PREX2: variants seen among roughly 807,000 people sequenced by gnomAD.
PREX2 encodes phosphatidylinositol-3,4,5-trisphosphate dependent Rac exchange factor 2.
PREX2 carries 107 observed loss-of-function variants against 203.2 expected under a neutral mutation model. That is an observed-to-expected ratio of 0.53 (90% CI 0.45 to 0.62). The LOEUF is 0.62. PREX2 is among the 20% of genes least tolerant of loss of function. The probability of loss-of-function intolerance (pLI) is 0.00; values close to 1 mark genes in which losing one functional copy is unlikely to be tolerated. For missense variants in PREX2, 1,777 were observed against 1,955.9 expected (o/e 0.91, Z 1.72); for synonymous variants, 672 against 663.6 (o/e 1.01, Z -0.19).
At chr8:68,091,988 C>T (rs1365246450) in intron 20 of PREX2, among the ~76,000 whole-genome samples, 5 of 152,122 alleles carry the variant, frequency 3.3e-5, no homozygotes, top group East Asian at 1.9e-4. Context: ...TTCTATGGGG[C>T]GGCCGTGGGG....
At chr8:68,110,902 A>G (rs769840710) in intron 25 of PREX2, 6 of 425,974 alleles carry the variant, frequency 1.4e-5, no homozygotes, top group South Asian at 7.0e-5. Context: ...CTAGTTTTGT[A>G]TATTATACTG....
Position 67,952,362 on chromosome 8 carries a change from C to T in PREX2, c.-33C>T. 4.0e-6 allele frequency: 6 copies of T among 1,488,964 alleles called. No individual in the cohort carries two copies. The highest frequency in any genetic ancestry group is 4.5e-6 in the Non-Finnish European group (5 of 1,122,260). The allele number at this position is 1,488,964 out of a possible 1,614,324, so 92.2% of individuals were successfully genotyped here. A position where few individuals can be genotyped will look rare whatever the true frequency, so the allele number is the denominator to read the frequency against. ...GCGCGCGGGTCAGCGCTCAGCACGG[C>T]GGGCAGCGCCGCGCTGCGCACCGCC... On this transcript the variant is annotated 5_prime_UTR_variant, in exon 1 of 40. Transcript: ENST00000288368.
intron 30 of PREX2, among the ~76,000 whole-genome samples, chr8:68,127,082 G>A (rs1365335045): frequency 6.6e-6 from 1 of 152,102 alleles, no homozygotes; most frequent in Non-Finnish European, 1.5e-5. Context: ...TTTGAATGGT[G>A]TTTCATTGAC....
intron 1 of PREX2, among the ~76,000 whole-genome samples, chr8:67,953,488 A>T (rs544129472): frequency 6.6e-6 from 1 of 152,228 alleles, no homozygotes; most frequent in Admixed American, 6.5e-5. Flanking sequence ...GGAGAGCATC[A>T]TTCAAAGAAC....
chr8:68,029,368 T>C (rs533029359), intron 5 of PREX2, among the ~76,000 whole-genome samples: 4 of 152,252 alleles, frequency 2.6e-5, no homozygotes, highest in African/African-American at 9.6e-5. Context: ...GTGGTGCCTC[T>C]ACTCTTTAGA....
rs1333538631 is a variant in PREX2 at position 68,232,648 on chromosome 8, T to C, written c.*1270T>C. On this transcript the variant is annotated 3_prime_UTR_variant, in exon 40 of 40. Transcript: ENST00000288368. ...TTTTTTTATTTTTTGAAACTGAGTCTCACTCTGTTACCCAGACTGGAGTGC... is the reference window on the plus strand; with the variant it reads ...TTTTTTTATTTTTTGAAACTGAGTCCCACTCTGTTACCCAGACTGGAGTGC... 1 of 152,200 alleles carries C rather than the reference T, an allele frequency of 6.6e-6. No individual in the cohort carries two copies. Among genetic ancestry groups the C allele is most frequent in the East Asian group, 1.9e-4 (1 of 5,186 alleles). 9.4% of individuals were successfully genotyped at this position (152,200 alleles called of 1,614,324 possible).
At chr8:68,108,995 A>G (rs1439520852) in intron 24 of PREX2, 7 of 447,054 alleles carry the variant, frequency 1.6e-5, no homozygotes, top group Middle Eastern at 3.3e-4. Context: ...AATATAAAAA[A>G]GTTGATCTCA....
intron 1 of PREX2, among the ~76,000 whole-genome samples, chr8:68,016,942 A>G (rs1042504112): frequency 6.6e-6 from 1 of 152,034 alleles, no homozygotes. Flanking sequence ...TTTGAGATAT[A>G]TTGTCAATTT....
At chr8:68,130,533 C>T (rs1810986858) in intron 31 of PREX2, among the ~76,000 whole-genome samples, 1 of 152,168 alleles carries the variant, frequency 6.6e-6, no homozygotes, top group South Asian at 2.1e-4. Flanking sequence ...AGAAGAATCA[C>T]AATGATAATG....
chr8:68,151,510 A>G (rs1811434509), intron 34 of PREX2, among the ~76,000 whole-genome samples: 1 of 152,166 alleles, frequency 6.6e-6, no homozygotes, highest in Non-Finnish European at 1.5e-5. Context: ...AAACCTCGAC[A>G]GATGTTAAGC....
chr8:68,045,886 T>C (rs1376013115), intron 8 of PREX2, among the ~76,000 whole-genome samples: 2 of 152,248 alleles, frequency 1.3e-5, no homozygotes, highest in Non-Finnish European at 2.9e-5. Context: ...TAATTTATTC[T>C]GTGCTTTCTA....
chr8:68,067,209 T>C (rs1809042548), intron 11 of PREX2, among the ~76,000 whole-genome samples: 1 of 152,124 alleles, frequency 6.6e-6, no homozygotes, highest in African/African-American at 2.4e-5. Flanking sequence ...TGTGGGTCTT[T>C]TGTGCTTCTA....
chr8:68,228,531 G>A (rs10957424), intron 39 of PREX2, among the ~76,000 whole-genome samples: 55,914 of 151,948 alleles, frequency 0.37, 11,384 homozygotes, highest in East Asian at 0.85. Context: ...GGGAGGCCGA[G>A]GCAGGCGGAT....
At chr8:68,091,251 T>C (rs1024450789) in intron 20 of PREX2, among the ~76,000 whole-genome samples, 13 of 152,126 alleles carry the variant, frequency 8.5e-5, no homozygotes, top group African/African-American at 3.1e-4. Context: ...TAAAAGAAAA[T>C]ACCAAAATGT....
chr8:68,061,942 G>C (rs1039297738), intron 11 of PREX2, among the ~76,000 whole-genome samples: 2 of 152,154 alleles, frequency 1.3e-5, no homozygotes, highest in African/African-American at 2.4e-5. Context: ...GGTAAATTGT[G>C]GGGGAGGAGA....
At position 67,975,694 on chromosome 8, in the gene PREX2, C is replaced by CTTTTT. The variant is rs67614434; in HGVS notation, c.141+23182_141+23186dup. Reference sequence around the variant, plus strand: ...TCAGGATAGTAACTGATTTCTCTTTCTTTTTTTTTTTTTTTTTTTTTTTTT... The same window carrying CTTTTT: ...TCAGGATAGTAACTGATTTCTCTTTCTTTTTTTTTTTTTTTTTTTTTTTTTTTTTT... On this transcript the variant is annotated intron_variant, in intron 1 of 39. Transcript: ENST00000288368. 2.7e-3 allele frequency among the ~76,000 whole-genome samples: 204 copies of CTTTTT among 74,996 alleles called. 27 individuals are homozygous for CTTTTT. The highest frequency in any genetic ancestry group is 4.6e-3 in the African/African-American group (78 of 16,848). 49.2% of individuals were successfully genotyped at this position (74,996 alleles called of 152,430 possible).
chr8:68,142,705 C>T (rs1811251994), intron 33 of PREX2, among the ~76,000 whole-genome samples: 1 of 152,112 alleles, frequency 6.6e-6, no homozygotes. Context: ...AAGTGCCAAA[C>T]TGTTTTCCAG....
intron 23 of PREX2, chr8:68,105,295 G>C (rs748562802): frequency 7.7e-5 from 105 of 1,367,630 alleles, no homozygotes; most frequent in Non-Finnish European, 1.0e-4. Context: ...CAGGATGGAA[G>C]ACAGCACTGC....
At chr8:68,066,721 G>A (rs1809025502) in intron 11 of PREX2, among the ~76,000 whole-genome samples, 1 of 151,946 alleles carries the variant, frequency 6.6e-6, no homozygotes, top group East Asian at 1.9e-4. Context: ...TTAGTTTGAT[G>A]CAATTGCATT....
Sources: allele counts gnomAD v4.1 joint callset (sites outside exome capture counted in the v4.1 genomes callset), GRCh38; gene constraint gnomAD v4.1.1; transcripts MANE v1.5; gene names NCBI Gene and HGNC (gene_info 2026-07-23, HGNC 2026-07-21).